The following EDAR variants were observed in gnomAD, a reference collection of about 807,000 sequenced individuals.
EDAR encodes the protein tumor necrosis factor receptor superfamily member EDAR.
A neutral mutation model predicts 51.3 loss-of-function variants in EDAR; 38 were observed. The ratio of observed to expected loss-of-function variants is 0.74; its 90% CI spans 0.57 to 0.97. EDAR has a LOEUF of 0.97. Among genes scored for constraint, EDAR ranks in the 50% least tolerant of loss-of-function variants. The pLI, the probability that EDAR is intolerant of heterozygous loss-of-function variation, is 0.00. For synonymous variants in EDAR, 227 were observed against 242.1 expected (o/e 0.94, Z 0.58); for missense variants, 528 against 595.0 (o/e 0.89, Z 1.17).
At chr2:108,950,343 T>G (rs1480642241) in intron 1 of EDAR, among the ~76,000 whole-genome samples, 1 of 151,988 alleles carries the variant, frequency 6.6e-6, no homozygotes, top group Non-Finnish European at 1.5e-5. Flanking sequence ...ATCAAATTTT[T>G]GGGCTCGAAT....
Position 108,910,467 on chromosome 2 carries a change from T to G in EDAR, c.796A>C (p.Thr266Pro). ...EKLTATPAKPTKSENDASSEN... is the reference protein window; with the variant it reads ...EKLTATPAKPPKSENDASSEN... ...CTGGGGGCTTCCACATACCTCTTGG[T>G]GGGCTTTGCTGGAGTTGCTGTCAGC... Residue 266 changes from threonine (T) to proline (P), a missense_variant, in exon 9 of 12, where the codon ACC (threonine) becomes CCC (proline). Transcript: ENST00000258443. 1.9e-6 allele frequency: 3 copies of G among 1,613,578 alleles called. No homozygotes were observed. Among genetic ancestry groups the G allele is most frequent in the Non-Finnish European group, 2.5e-6 (3 of 1,179,702 alleles).
chr2:108,956,727 G>A (rs953951694), intron 1 of EDAR, among the ~76,000 whole-genome samples: 7 of 151,952 alleles, frequency 4.6e-5, no homozygotes, highest in African/African-American at 1.7e-4. Context: ...TCCTTGTCCT[G>A]GACTTTTACG....
Position 108,969,781 on chromosome 2 carries a change from AAC to A in EDAR, c.-19+19177_-19+19178del, listed in dbSNP as rs1279413715. On this transcript the variant is annotated intron_variant, in intron 1 of 11. Coordinates refer to ENST00000258443, the MANE Select transcript of EDAR (RefSeq NM_022336.4). ...TTCAGCAGCTAGCTGGAAAGACAGA[AAC>A]ATGTAAAAGAAGAAAACCCAAAATA... 2.0e-5 allele frequency among the ~76,000 whole-genome samples: 3 copies of A among 152,220 alleles called. 1 individual carries two copies. The highest frequency in any genetic ancestry group is 7.2e-5 in the African/African-American group (3 of 41,466).
intron 1 of EDAR, among the ~76,000 whole-genome samples, chr2:108,983,786 C>A (rs1698454237): frequency 6.6e-6 from 1 of 152,234 alleles, no homozygotes; most frequent in Non-Finnish European, 1.5e-5. Context: ...AGGAACAGGT[C>A]TGGCATGCTG....
chr2:108,918,359 T>A (rs951025481), intron 5 of EDAR, among the ~76,000 whole-genome samples: 1 of 152,230 alleles, frequency 6.6e-6, no homozygotes, highest in East Asian at 1.9e-4. Flanking sequence ...GTCCACTGTG[T>A]GCTGTGTGTT....
At chr2:108,953,071 G>A (rs537420105) in intron 1 of EDAR, among the ~76,000 whole-genome samples, 21 of 152,294 alleles carry the variant, frequency 1.4e-4, no homozygotes, top group South Asian at 2.1e-4. Context: ...CATGCAATGC[G>A]TAATAACCAC....
intron 1 of EDAR, among the ~76,000 whole-genome samples, chr2:108,938,637 G>A (rs1189764090): frequency 6.6e-6 from 1 of 151,996 alleles, no homozygotes; most frequent in African/African-American, 2.4e-5. Context: ...TTGTCGAACT[G>A]ACAAGCTTGG....
At chr2:108,907,813 AG>A in intron 10 of EDAR, 46 bp downstream of exon 10, 4 of 1,609,722 alleles carry the variant, frequency 2.5e-6, no homozygotes, top group Non-Finnish European at 3.4e-6. Flanking sequence ...TGCGGCTGTG[AG>A]GGAGCCACAT....
rs142601050 is a variant in EDAR, at chr2:108,926,778, C to T, written c.356+2420G>A. ...ATCAGGAGAAGCACCTGCCAAACCG[C>T]AGGCAGGGGCCTGGGCCCAGGAGAG... is the stretch of plus-strand genomic sequence containing the variant. On this transcript the variant is annotated intron_variant, in intron 4 of 11. Coordinates refer to ENST00000258443, the MANE Select transcript of EDAR (RefSeq NM_022336.4). Among the ~76,000 whole-genome samples, 290 of 152,360 alleles carry T rather than the reference C, an allele frequency of 1.9e-3. 2 individuals carry two copies. Among genetic ancestry groups the T allele is most frequent in the Admixed American group, 3.6e-3 (55 of 15,308 alleles).
rs565868059 is a variant in EDAR, at chr2:108,907,847, G to A, written c.963+13C>T. ...CATCTCACAGCTCATCATGGCACCTGCAGGAGCCTCACCCCGGCTGACTTG... is the reference window on the plus strand; with the variant it reads ...CATCTCACAGCTCATCATGGCACCTACAGGAGCCTCACCCCGGCTGACTTG... On this transcript the variant is annotated intron_variant, in intron 10 of 11. Transcript: ENST00000258443. 22 of 1,613,310 alleles carry A rather than the reference G, an allele frequency of 1.4e-5. No homozygotes were observed. The East Asian group carries it at 4.9e-4, about 36-fold the overall frequency.
chr2:108,984,955 C>T (rs567223401), intron 1 of EDAR, among the ~76,000 whole-genome samples: 3 of 152,270 alleles, frequency 2.0e-5, no homozygotes, highest in Non-Finnish European at 4.4e-5. Context: ...GGAAATATGG[C>T]AAATGGAAGT....
At chr2:108,902,714 G>C (rs888831364) in intron 11 of EDAR, among the ~76,000 whole-genome samples, 1 of 152,152 alleles carries the variant, frequency 6.6e-6, no homozygotes, top group Non-Finnish European at 1.5e-5. Flanking sequence ...GGGAGGCAAG[G>C]CTGGTTCAAT....
intron 3 of EDAR, 100 bp downstream of exon 3, chr2:108,930,019 TG>T: frequency 7.0e-7 from 1 of 1,420,274 alleles, no homozygotes; most frequent in Non-Finnish European, 9.5e-7. Context: ...TGATATACCC[TG>T]GCATCCCCTC....
At chr2:108,986,452 G>T (rs950829921) in intron 1 of EDAR, among the ~76,000 whole-genome samples, 1 of 151,970 alleles carries the variant, frequency 6.6e-6, no homozygotes, top group African/African-American at 2.4e-5. Flanking sequence ...ATCTCCTTGT[G>T]GGGGCAAATG....
rs967646109 is a variant in EDAR, at chr2:108,956,784, C to CTTT, written c.-18-25755_-18-25753dup. On this transcript the variant is annotated intron_variant, in intron 1 of 11. Coordinates refer to ENST00000258443, the MANE Select transcript of EDAR (RefSeq NM_022336.4). ...GCTCAGCAGGAAAGGCGAAAGCTCT[C>CTTT]TTTTTTTTTTTGTTTTTTTTGAGAC... is the stretch of plus-strand genomic sequence containing the variant. Among the ~76,000 whole-genome samples, 573 of 123,446 alleles carry CTTT rather than the reference C, an allele frequency of 4.6e-3. 3 individuals carry two copies. Among genetic ancestry groups the CTTT allele is most frequent in the African/African-American group, 0.02 (526 of 26,456 alleles). 81.0% of individuals were successfully genotyped at this position (123,446 alleles called of 152,430 possible). A position where few individuals can be genotyped will look rare whatever the true frequency, so the allele number is the denominator to read the frequency against.
chr2:108,971,507 G>A (rs1698232709), intron 1 of EDAR, among the ~76,000 whole-genome samples: 1 of 151,834 alleles, frequency 6.6e-6, no homozygotes, highest in South Asian at 2.1e-4. Flanking sequence ...CCAGGCATCA[G>A]TCTTTTTGAA....
At chr2:108,940,655 G>A (rs1233820655) in intron 1 of EDAR, among the ~76,000 whole-genome samples, 1 of 152,232 alleles carries the variant, frequency 6.6e-6, no homozygotes, top group Non-Finnish European at 1.5e-5. Flanking sequence ...GAATAACAAA[G>A]AAGCAGCTTC....
At chr2:108,918,443 G>A (rs1034877869) in intron 5 of EDAR, among the ~76,000 whole-genome samples, 3 of 152,196 alleles carry the variant, frequency 2.0e-5, no homozygotes, top group African/African-American at 7.2e-5. Flanking sequence ...GTGGCCAACT[G>A]CGGGTCCATC....
At position 108,986,608 on chromosome 2, in the gene EDAR, C is replaced by T. The variant is rs115793269; in HGVS notation, c.-19+2352G>A. On this transcript the variant is annotated intron_variant, in intron 1 of 11. Coordinates refer to ENST00000258443, the MANE Select transcript of EDAR (RefSeq NM_022336.4). ...ATAATCATTATGAGCTGTGGGACTT[C>T]GGGCAAGACAGTGAACCTCTCTGAG... Among the ~76,000 whole-genome samples, 1,490 of 152,220 alleles carry T rather than the reference C, an allele frequency of 9.8e-3. 19 individuals carry two copies. The highest frequency in any genetic ancestry group is 0.02 in the Middle Eastern group (6 of 294).
Sources: allele counts gnomAD v4.1 joint callset (sites outside exome capture counted in the v4.1 genomes callset), GRCh38; gene constraint gnomAD v4.1.1; transcripts MANE v1.5; gene names NCBI Gene and HGNC (gene_info 2026-07-23, HGNC 2026-07-21).